CDH18: variants seen among roughly 807,000 people sequenced by gnomAD.
CDH18 encodes the protein cadherin-18.
Under a neutral mutation model 67.9 loss-of-function variants are expected in CDH18, and 31 were observed. The ratio of observed to expected loss-of-function variants is 0.46; its 90% confidence interval spans 0.34 to 0.62. The LOEUF (loss-of-function observed/expected upper bound fraction) is 0.62. Ranked by LOEUF, CDH18 falls within the 20% of genes least tolerant of loss-of-function variation. CDH18 has a pLI of 0.01. For synonymous variants in CDH18, 362 were observed against 347.2 expected (o/e 1.04, Z -0.48); for missense variants, 890 against 975.5 (o/e 0.91, Z 1.17).
At chr5:20,351,778 A>G (rs187520725) in intron 1 of CDH18, among the ~76,000 whole-genome samples, 40 of 152,282 alleles carry the variant, frequency 2.6e-4, no homozygotes, top group Non-Finnish European at 2.9e-5. Context: ...ACTCAACTCA[A>G]AATTTAGAAG....
At chr5:20,000,490 A>G (rs958064495) in intron 2 of CDH18, among the ~76,000 whole-genome samples, 2 of 152,162 alleles carry the variant, frequency 1.3e-5, no homozygotes, top group African/African-American at 4.8e-5. Flanking sequence ...GTAGAAAGTG[A>G]GAAGAAAGTT....
chr5:20,129,143 T>C (rs572221173), intron 2 of CDH18, among the ~76,000 whole-genome samples: 1 of 152,058 alleles, frequency 6.6e-6, no homozygotes, highest in South Asian at 2.1e-4. Flanking sequence ...TGCTCCATTA[T>C]GTAGAAAAGG....
chr5:20,319,340 G>T (rs1737775191), intron 1 of CDH18, among the ~76,000 whole-genome samples: 1 of 152,008 alleles, frequency 6.6e-6, no homozygotes, highest in African/African-American at 2.4e-5. Context: ...ATATTTGCTT[G>T]TTTTCTCCCC....
chr5:19,985,599 G>C (rs1382722152), intron 1 of CDH18, among the ~76,000 whole-genome samples: 1 of 151,924 alleles, frequency 6.6e-6, no homozygotes, highest in African/African-American at 2.4e-5. Flanking sequence ...AAGTCCCCCA[G>C]GAGAATGATA....
intron 1 of CDH18, among the ~76,000 whole-genome samples, chr5:20,338,441 C>T (rs1319175237): frequency 1.3e-5 from 2 of 152,172 alleles, no homozygotes; most frequent in Non-Finnish European, 2.9e-5. Context: ...CTGGCCAAAA[C>T]CTTTAGTTTT....
intron 1 of CDH18, among the ~76,000 whole-genome samples, chr5:20,333,552 T>TA (rs1561980366): frequency 9.8e-6 from 1 of 101,532 alleles, no homozygotes; most frequent in Non-Finnish European, 2.3e-5. Context: ...CACACACACA[T>TA]ATATGTATAT....
intron 2 of CDH18, among the ~76,000 whole-genome samples, chr5:20,165,085 A>G (rs1007569399): frequency 6.6e-6 from 1 of 152,172 alleles, no homozygotes; most frequent in African/African-American, 2.4e-5. Flanking sequence ...CATTTTAGAT[A>G]GGTGCATTGA....
intron 1 of CDH18, among the ~76,000 whole-genome samples, chr5:20,523,201 A>C (rs1755849303): frequency 6.6e-6 from 1 of 152,178 alleles, no homozygotes; most frequent in Non-Finnish European, 1.5e-5. Context: ...TACTAATGCT[A>C]GGAAAACGTT....
intron 3 of CDH18, among the ~76,000 whole-genome samples, chr5:19,756,327 C>T (rs902163736): frequency 6.6e-6 from 1 of 152,206 alleles, no homozygotes; most frequent in African/African-American, 2.4e-5. Flanking sequence ...ATGACAATTA[C>T]AGTCCCCATT....
intron 1 of CDH18, among the ~76,000 whole-genome samples, chr5:20,358,548 T>G (rs1741818667): frequency 6.6e-6 from 1 of 152,198 alleles, no homozygotes; most frequent in Non-Finnish European, 1.5e-5. Flanking sequence ...CAATTCAATA[T>G]GCATAAATAT....
chr5:19,891,031 C>T (rs2150083566), intron 2 of CDH18, among the ~76,000 whole-genome samples: 1 of 152,246 alleles, frequency 6.6e-6, no homozygotes, highest in Non-Finnish European at 1.5e-5. Context: ...CTTAGTAAGA[C>T]TCTAATATCC....
intron 2 of CDH18, among the ~76,000 whole-genome samples, chr5:19,873,773 G>A (rs904091124): frequency 4.0e-5 from 6 of 151,798 alleles, no homozygotes; most frequent in Admixed American, 1.3e-4. Flanking sequence ...TCACCCTCCC[G>A]AGTAGCTGGG....
At chr5:19,542,202 T>C (rs780263592) in intron 9 of CDH18, among the ~76,000 whole-genome samples, 2 of 152,074 alleles carry the variant, frequency 1.3e-5, no homozygotes, top group Non-Finnish European at 2.9e-5. Context: ...CTAAGGGCAA[T>C]AGAAGCATGC....
chr5:20,216,217 AG>A, intron 2 of CDH18, among the ~76,000 whole-genome samples: 1 of 151,962 alleles, frequency 6.6e-6, no homozygotes, highest in East Asian at 1.9e-4. Context: ...AAAGGTTAAA[AG>A]TAAGAATTTC....
intron 2 of CDH18, among the ~76,000 whole-genome samples, chr5:19,909,296 T>C (rs1288917592): frequency 8.0e-6 from 1 of 125,422 alleles, no homozygotes; most frequent in African/African-American, 3.2e-5. Flanking sequence ...AGTGGTTTCC[T>C]TCACTTTTTT....
intron 3 of CDH18, among the ~76,000 whole-genome samples, chr5:19,815,984 T>C (rs1357075252): frequency 1.3e-5 from 2 of 151,902 alleles, no homozygotes; most frequent in Non-Finnish European, 2.9e-5. Flanking sequence ...CAACATACGA[T>C]TTATATCTAG....
At chr5:20,063,607 T>TC (rs2150512781) in intron 2 of CDH18, among the ~76,000 whole-genome samples, 1 of 152,268 alleles carries the variant, frequency 6.6e-6, no homozygotes, top group Non-Finnish European at 1.5e-5. Flanking sequence ...TTGTTTAATA[T>TC]CCCCCTTAGC....
At chr5:20,311,119 C>A (rs1736945572) in intron 1 of CDH18, among the ~76,000 whole-genome samples, 1 of 151,896 alleles carries the variant, frequency 6.6e-6, no homozygotes, top group Non-Finnish European at 1.5e-5. Flanking sequence ...CAAAAAAAAG[C>A]CTTTCTAACT....
At chr5:19,906,475 T>A (rs1472702795) in intron 2 of CDH18, among the ~76,000 whole-genome samples, 1 of 151,986 alleles carries the variant, frequency 6.6e-6, no homozygotes, top group African/African-American at 2.4e-5. Flanking sequence ...ATTAAAGATA[T>A]TTCTGATTAA....
Sources: gnomAD v4.1 joint callset for allele counts (sites outside exome capture counted in the v4.1 genomes callset) on GRCh38, gnomAD v4.1.1 for gene constraint, MANE v1.5 for transcripts, NCBI Gene and HGNC (gene_info 2026-07-23, HGNC 2026-07-21) for gene names.